Variants in PPP1R12B observed in about 807,000 individuals in gnomAD.
PPP1R12B encodes myosin phosphatase target subunit 2.
Under a neutral mutation model 126.1 loss-of-function variants are expected in PPP1R12B, and 76 were observed. That is an observed-to-expected ratio of 0.60 (90% CI 0.50 to 0.73). The LOEUF (loss-of-function observed/expected upper bound fraction) is 0.73. Ranked by LOEUF, PPP1R12B falls within the 30% of genes least tolerant of loss-of-function variation. The pLI is 0.00. For synonymous variants in PPP1R12B, 356 were observed against 434.7 expected, an observed-to-expected ratio of 0.82 and a Z score of 2.25; for missense variants, 1,052 against 1,205.1, an observed-to-expected ratio of 0.87 and a Z score of 1.88.
chr1:202,422,599 T>A, intron 2 of PPP1R12B, 21 bp from the exon 3 acceptor site: 1 of 1,607,246 alleles, frequency 6.2e-7, no homozygotes, highest in South Asian at 1.1e-5. Context: ...ATAATATTGA[T>A]CCTGGATCTT....
intron 3 of PPP1R12B, 64 bp downstream of exon 3, chr1:202,422,802 T>A: frequency 6.2e-7 from 1 of 1,605,810 alleles, no homozygotes; most frequent in Admixed American, 1.7e-5. Flanking sequence ...CAGAAAATAA[T>A]CCATTTGCTG....
intron 23 of PPP1R12B, chr1:202,574,797 C>CT: frequency 2.0e-6 from 1 of 508,940 alleles, no homozygotes; most frequent in Non-Finnish European, 3.5e-6. Flanking sequence ...CATAGCTCTC[C>CT]TTCCCTGTTG....
At chr1:202,374,981 C>T (rs1175070414) in intron 1 of PPP1R12B, among the ~76,000 whole-genome samples, 4 of 152,224 alleles carry the variant, frequency 2.6e-5, no homozygotes, top group Middle Eastern at 6.8e-3. Flanking sequence ...CTCGTTCTGT[C>T]GCCCAGGCCG....
At chr1:202,413,157 G>A (rs1667623150) in intron 1 of PPP1R12B, among the ~76,000 whole-genome samples, 1 of 151,774 alleles carries the variant, frequency 6.6e-6, no homozygotes, top group South Asian at 2.1e-4. Flanking sequence ...ATATTATATA[G>A]CATCAAATCA....
rs1572582557 is a variant in PPP1R12B, at chr1:202,583,471, A to T, written c.*2911A>T. 2 of 152,260 alleles carry T rather than the reference A, an allele frequency of 1.3e-5. No individual in the cohort carries two copies. The highest frequency in any genetic ancestry group is 3.8e-4 in the East Asian group (2 of 5,204). The allele number at this position is 152,260 out of a possible 1,614,324, so 9.4% of individuals were successfully genotyped here. The stretch of plus-strand genomic sequence containing the variant: ...TCAGGAATACTGGATTCTATAGCCA[A>T]GAACTCATGAAAGTAAGTGTAAACT... On this transcript the variant is annotated 3_prime_UTR_variant, in exon 24 of 24. Coordinates refer to ENST00000608999, the MANE Select transcript of PPP1R12B (RefSeq NM_002481.4).
intron 13 of PPP1R12B, among the ~76,000 whole-genome samples, chr1:202,465,761 A>G (rs1344412693): frequency 6.6e-6 from 1 of 152,190 alleles, no homozygotes; most frequent in Non-Finnish European, 1.5e-5. Flanking sequence ...ATACTGACCT[A>G]GCTTTTAAAC....
At chr1:202,436,680 G>A (rs1168946888) in intron 9 of PPP1R12B, among the ~76,000 whole-genome samples, 1 of 151,892 alleles carries the variant, frequency 6.6e-6, no homozygotes, top group Non-Finnish European at 1.5e-5. Context: ...AGATAATTAA[G>A]GACAATGTAA....
chr1:202,376,305 C>T (rs757684792), intron 1 of PPP1R12B, among the ~76,000 whole-genome samples: 2 of 151,834 alleles, frequency 1.3e-5, no homozygotes, highest in Non-Finnish European at 2.9e-5. Context: ...TTTTAAAGAC[C>T]AAGAGAACTA....
chr1:202,378,761 A>C (rs1201342283), intron 1 of PPP1R12B, among the ~76,000 whole-genome samples: 1 of 152,214 alleles, frequency 6.6e-6, no homozygotes, highest in Non-Finnish European at 1.5e-5. Flanking sequence ...TATAGGCATG[A>C]GCCATCGCGC....
chr1:202,375,209 G>T (rs564950153), intron 1 of PPP1R12B, among the ~76,000 whole-genome samples: 1 of 152,204 alleles, frequency 6.6e-6, no homozygotes, highest in Admixed American at 6.5e-5. Context: ...CTCCCAAAGT[G>T]CTAGGATTAC....
intron 1 of PPP1R12B, among the ~76,000 whole-genome samples, chr1:202,394,566 C>T (rs1433168964): frequency 6.6e-6 from 1 of 151,752 alleles, no homozygotes; most frequent in Non-Finnish European, 1.5e-5. Context: ...ACCAGCCTGA[C>T]CAACATGGAG....
intron 18 of PPP1R12B, among the ~76,000 whole-genome samples, chr1:202,515,542 G>C (rs1323054678): frequency 6.6e-6 from 1 of 152,124 alleles, no homozygotes; most frequent in East Asian, 1.9e-4. Context: ...CCCTATCCTA[G>C]TGTCCATATA....
intron 18 of PPP1R12B, 98 bp downstream of exon 18, chr1:202,496,920 A>G: frequency 1.6e-6 from 2 of 1,253,088 alleles, no homozygotes; most frequent in Non-Finnish European, 2.3e-6. Flanking sequence ...TGCAGATTTT[A>G]GTTGAGAAGG....
intron 17 of PPP1R12B, among the ~76,000 whole-genome samples, chr1:202,496,270 T>A (rs1679544511): frequency 6.6e-6 from 1 of 152,254 alleles, no homozygotes; most frequent in Non-Finnish European, 1.5e-5. Context: ...CCATTCATCC[T>A]CTTCCATATC....
chr1:202,433,559 A>G (rs561376747), intron 8 of PPP1R12B, among the ~76,000 whole-genome samples: 93 of 152,282 alleles, frequency 6.1e-4, no homozygotes, highest in African/African-American at 2.0e-3. Context: ...AATGCTGTAC[A>G]TAGATAAGGA....
chr1:202,448,503 T>C (rs1000232970), intron 12 of PPP1R12B: 1 of 156,368 alleles, frequency 6.4e-6, no homozygotes, highest in African/African-American at 2.4e-5. Context: ...CTCTGGATAA[T>C]CCAAGAAGAT....
At chr1:202,421,293 A>ATCTC (rs76517346) in intron 2 of PPP1R12B, among the ~76,000 whole-genome samples, 2 of 147,308 alleles carry the variant, frequency 1.4e-5, no homozygotes, top group African/African-American at 5.0e-5. Context: ...GCCATATATT[A>ATCTC]TCTCTCTCTT....
At chr1:202,394,676 C>T (rs1360112206) in intron 1 of PPP1R12B, among the ~76,000 whole-genome samples, 3 of 151,952 alleles carry the variant, frequency 2.0e-5, no homozygotes, top group Admixed American at 1.3e-4. Flanking sequence ...ATCACTTGAA[C>T]CCATGAGGCG....
At chr1:202,443,734 C>G (rs1195091500) in intron 12 of PPP1R12B, among the ~76,000 whole-genome samples, 1 of 152,152 alleles carries the variant, frequency 6.6e-6, no homozygotes, top group Non-Finnish European at 1.5e-5. Flanking sequence ...ATCAAGAAAA[C>G]TTTTCTAAGA....
Sources: allele counts gnomAD v4.1 joint callset (sites outside exome capture counted in the v4.1 genomes callset), GRCh38; gene constraint gnomAD v4.1.1; transcripts MANE v1.5; gene names NCBI Gene and HGNC (gene_info 2026-07-23, HGNC 2026-07-21).